FARP1: variants seen among roughly 807,000 people sequenced by gnomAD.
FARP1 encodes FERM, ARHGEF and pleckstrin domain-containing protein 1.
FARP1 carries 52 observed loss-of-function variants against 128.8 expected under a neutral mutation model. The ratio of observed to expected loss-of-function variants is 0.40; its 90% CI spans 0.32 to 0.51. The LOEUF (loss-of-function observed/expected upper bound fraction) is 0.51, where lower values mean the gene tolerates loss of function less well. Ranked by LOEUF, FARP1 falls within the 20% of genes least tolerant of loss-of-function variation. The probability of loss-of-function intolerance (pLI) is 0.45; values close to 1 mark genes in which losing one functional copy is unlikely to be tolerated. For missense variants in FARP1, 1,333 were observed against 1,367.9 expected, an observed-to-expected ratio of 0.97 and a Z score of 0.40; for synonymous variants, 580 against 551.8, an observed-to-expected ratio of 1.05 and a Z score of -0.72.
intron 14 of FARP1, among the ~76,000 whole-genome samples, chr13:98,410,070 G>C (rs1891132099): frequency 6.6e-6 from 1 of 152,244 alleles, no homozygotes. Context: ...ATTTGTTTGA[G>C]TCTCTGCTTT....
rs780454212 is a variant in FARP1 at position 98,365,441 on chromosome 13, A to G, written c.319+4A>G. ...CCCATTGTGAAACAGATTAGAAGTG[A>G]GTATATACCATATGTTTAATAGTGA... is the stretch of plus-strand genomic sequence containing the variant. On this transcript the variant is annotated splice_donor_region_variant and intron_variant, in intron 4 of 26. Transcript: ENST00000319562. 1 of 1,591,634 alleles carries G rather than the reference A, an allele frequency of 6.3e-7. No homozygotes were observed. The highest frequency in any genetic ancestry group is 1.1e-5 in the South Asian group (1 of 90,372).
In FARP1 at chr13:98,440,761, C is replaced by T. The variant is rs758803465; in HGVS notation, c.2721C>T (p.Arg907=). The T allele has an allele frequency of 2.0e-5, 33 of 1,613,234 alleles. No homozygotes were observed. Among genetic ancestry groups the T allele is most frequent in the African/African-American group, 2.7e-5 (2 of 74,948 alleles). The change falls in exon 24 of 27, where the codon CGC becomes CGT. Residue 907 remains arginine, a synonymous_variant. Coordinates refer to ENST00000319562, the MANE Select transcript of FARP1 (RefSeq NM_005766.4). Reference sequence around the variant, plus strand: ...CGCTGGAGCGCCAGGCCCCGCACCGCGGCAACACAATGGTGCACGTGTGCT... The same window carrying T: ...CGCTGGAGCGCCAGGCCCCGCACCGTGGCAACACAATGGTGCACGTGTGCT... ...RTSLERQAPH[R]GNTMVHVCWH...
intron 9 of FARP1, among the ~76,000 whole-genome samples, chr13:98,389,254 G>A (rs1221505129): frequency 6.6e-6 from 1 of 152,208 alleles, no homozygotes; most frequent in Non-Finnish European, 1.5e-5. Context: ...ATAAAGAACT[G>A]CAGCACAGCT....
rs185934108 is a variant in FARP1 at position 98,261,231 on chromosome 13, C to T, written c.171+47818C>T. 3.9e-4 allele frequency among the ~76,000 whole-genome samples: 59 copies of T among 152,168 alleles called. 1 individual carries two copies. Among genetic ancestry groups the T allele is most frequent in the East Asian group, 1.5e-3 (8 of 5,170 alleles). On this transcript the variant is annotated intron_variant, in intron 2 of 26. Transcript: ENST00000319562. Reference sequence around the variant, plus strand: ...CTGAGGCAGCGAGAGAGGAGATGCCCGGGCCAGGCTCCCACAGAGAAGTGC... The same window carrying T: ...CTGAGGCAGCGAGAGAGGAGATGCCTGGGCCAGGCTCCCACAGAGAAGTGC...
At position 98,435,565 on chromosome 13, in the gene FARP1, T is replaced by G. The variant is rs371999045; in HGVS notation, c.2144-11T>G. The G allele has an allele frequency of 1.2e-5, 20 of 1,605,128 alleles. No individual in the cohort carries two copies. Among genetic ancestry groups the G allele is most frequent in the Non-Finnish European group, 1.7e-5 (20 of 1,175,042 alleles). On this transcript the variant is annotated splice_polypyrimidine_tract_variant and intron_variant, in intron 18 of 26. Transcript: ENST00000319562. ...TTCCCGCTGCAGACTGTGTATGTCT[T>G]TCCTTCACAGCCGCTTTGGCAGAGA...
chr13:98,317,417 T>C (rs1886768529), intron 2 of FARP1, among the ~76,000 whole-genome samples: 1 of 152,154 alleles, frequency 6.6e-6, no homozygotes, highest in Admixed American at 6.5e-5. Flanking sequence ...CCCACACAAC[T>C]AGCAAATGAA....
At chr13:98,265,441 T>C (rs1884067002) in intron 2 of FARP1, among the ~76,000 whole-genome samples, 1 of 145,176 alleles carries the variant, frequency 6.9e-6, no homozygotes, top group Non-Finnish European at 1.5e-5. Flanking sequence ...TGCCTCAGCC[T>C]CCCAAGTAGC....
intron 2 of FARP1, among the ~76,000 whole-genome samples, chr13:98,300,468 C>T (rs753001957): frequency 3.9e-5 from 6 of 152,292 alleles, no homozygotes; most frequent in Admixed American, 2.6e-4. Context: ...AGGATGTCCG[C>T]GTATTCTTTT....
At chr13:98,358,929 G>T (rs374202075) in intron 3 of FARP1, among the ~76,000 whole-genome samples, 3 of 152,224 alleles carry the variant, frequency 2.0e-5, no homozygotes, top group African/African-American at 7.2e-5. Context: ...GAGGCACCGC[G>T]CACGGCTCTT....
intron 1 of FARP1, among the ~76,000 whole-genome samples, chr13:98,172,491 TAG>T (rs941178868): frequency 2.6e-5 from 4 of 152,138 alleles, no homozygotes; most frequent in African/African-American, 7.2e-5. Flanking sequence ...GAGCTGCCTC[TAG>T]CATAGCACCC....
chr13:98,154,400 A>G (rs1320075676), intron 1 of FARP1, among the ~76,000 whole-genome samples: 1 of 152,172 alleles, frequency 6.6e-6, no homozygotes, highest in Non-Finnish European at 1.5e-5. Flanking sequence ...CCAAAAAAAT[A>G]TAGAGAAAAA....
intron 1 of FARP1, among the ~76,000 whole-genome samples, chr13:98,145,060 A>C (rs575176274): frequency 2.5e-4 from 38 of 152,370 alleles, no homozygotes; most frequent in Non-Finnish European, 4.9e-4. Context: ...TCTGGCTAAT[A>C]GATCTGCTTC....
intron 2 of FARP1, among the ~76,000 whole-genome samples, chr13:98,333,436 T>TACACACACACACACACAC (rs60264788): frequency 5.7e-5 from 8 of 139,664 alleles, no homozygotes; most frequent in African/African-American, 1.9e-4. Context: ...CCCCCACATG[T>TACACACACACACACACAC]ACACACACAC....
chr13:98,200,618 GTC>G (rs1879879544), intron 1 of FARP1, among the ~76,000 whole-genome samples: 1 of 152,146 alleles, frequency 6.6e-6, no homozygotes, highest in African/African-American at 2.4e-5. Flanking sequence ...GACTAGAGCT[GTC>G]TCTAGCACTT....
chr13:98,303,873 G>A (rs1458666594), intron 2 of FARP1, among the ~76,000 whole-genome samples: 1 of 152,180 alleles, frequency 6.6e-6, no homozygotes, highest in African/African-American at 2.4e-5. Flanking sequence ...AGACTGCACT[G>A]TATTTGACTA....
At chr13:98,194,463 G>C (rs1365077486) in intron 1 of FARP1, among the ~76,000 whole-genome samples, 8 of 152,128 alleles carry the variant, frequency 5.3e-5, no homozygotes, top group Non-Finnish European at 1.2e-4. Context: ...CACATTATAT[G>C]CCCAGTGTTC....
intron 2 of FARP1, among the ~76,000 whole-genome samples, chr13:98,280,173 CT>C (rs1051321015): frequency 6.6e-6 from 1 of 152,230 alleles, no homozygotes; most frequent in African/African-American, 2.4e-5. Context: ...CACAAATCAG[CT>C]GGCGTCACTT....
At chr13:98,169,912 A>G (rs188896523) in intron 1 of FARP1, among the ~76,000 whole-genome samples, 6 of 152,214 alleles carry the variant, frequency 3.9e-5, no homozygotes, top group Admixed American at 3.9e-4. Flanking sequence ...ACTTCATATT[A>G]TTTGATTATT....
At chr13:98,378,857 AT>A (rs1188573776) in intron 6 of FARP1, among the ~76,000 whole-genome samples, 1 of 143,274 alleles carries the variant, frequency 7.0e-6, no homozygotes. Flanking sequence ...AAACAAAAAA[AT>A]AGGTATCTTT....
Sources: gnomAD v4.1 joint callset for allele counts (sites outside exome capture counted in the v4.1 genomes callset) on GRCh38, gnomAD v4.1.1 for gene constraint, MANE v1.5 for transcripts, NCBI Gene and HGNC (gene_info 2026-07-23, HGNC 2026-07-21) for gene names.